MANBA: variants seen among roughly 807,000 people sequenced by gnomAD.
MANBA encodes the protein beta-mannosidase.
MANBA carries 83 observed loss-of-function variants against 111.1 expected under a neutral mutation model. The observed-to-expected ratio is 0.75, with a 90% CI of 0.63 to 0.90. The LOEUF (loss-of-function observed/expected upper bound fraction) is 0.90. Ranked by LOEUF, MANBA falls within the 40% of genes least tolerant of loss-of-function variation. The probability of loss-of-function intolerance (pLI) is 0.00; values close to 1 mark genes in which losing one functional copy is unlikely to be tolerated. For synonymous variants in MANBA, 370 were observed against 378.7 expected (o/e 0.98, Z 0.27); for missense variants, 1,036 against 1,069.0 (o/e 0.97, Z 0.43).
At chr4:102,634,364 G>A (rs1409893719) in intron 16 of MANBA, among the ~76,000 whole-genome samples, 4 of 152,182 alleles carry the variant, frequency 2.6e-5, no homozygotes, top group South Asian at 2.1e-4. Context: ...ACAGGACCTC[G>A]AGCTCATCAC....
Position 102,657,802 on chromosome 4 carries a change from A to G in MANBA, c.1584T>C (p.Phe528=). The G allele has an allele frequency of 6.2e-7, 1 of 1,613,650 alleles. No individual in the cohort carries two copies. Among genetic ancestry groups the G allele is most frequent in the Non-Finnish European group, 8.5e-7 (1 of 1,179,552 alleles). ...WVSQNPNSNY[F]GDVHFYDYIS... is the part of the protein sequence containing the mutation. ...TATAGTCATAAAAATGTACATCACC[A>G]AAATAATTGCTATTAGGGTTTTGAG... Residue 528 remains phenylalanine (F), a synonymous_variant, in exon 12 of 17, where the codon TTT becomes TTC. Coordinates refer to ENST00000647097, the MANE Select transcript of MANBA (RefSeq NM_005908.4).
At chr4:102,712,658 G>A (rs223507) in intron 5 of MANBA, among the ~76,000 whole-genome samples, 55,039 of 151,664 alleles carry the variant, frequency 0.36, 10,301 homozygotes, top group African/African-American at 0.44. Flanking sequence ...AGCTGGGACT[G>A]CAGGTGAACG....
intron 5 of MANBA, among the ~76,000 whole-genome samples, chr4:102,704,164 A>T (rs1733191422): frequency 6.6e-6 from 1 of 152,002 alleles, no homozygotes; most frequent in African/African-American, 2.4e-5. Flanking sequence ...AGTAATAATA[A>T]AACTCTGGTT....
intron 5 of MANBA, among the ~76,000 whole-genome samples, chr4:102,704,655 A>G (rs1016185759): frequency 4.6e-5 from 7 of 152,126 alleles, no homozygotes; most frequent in Admixed American, 1.3e-4. Context: ...TCCAGACCAC[A>G]TTAGCTTATT....
At chr4:102,638,996 T>G (rs1729750651) in intron 14 of MANBA, among the ~76,000 whole-genome samples, 1 of 152,176 alleles carries the variant, frequency 6.6e-6, no homozygotes, top group African/African-American at 2.4e-5. Context: ...ATTCTTTACA[T>G]TATTAACTGA....
chr4:102,652,154 T>C (rs749610149), intron 12 of MANBA, among the ~76,000 whole-genome samples: 9 of 152,192 alleles, frequency 5.9e-5, no homozygotes, highest in African/African-American at 9.7e-5. Context: ...AAATTATTAT[T>C]AACTATAGTT....
chr4:102,745,094 A>T (rs1016049385), intron 1 of MANBA, among the ~76,000 whole-genome samples: 18 of 152,190 alleles, frequency 1.2e-4, no homozygotes, highest in African/African-American at 4.1e-4. Flanking sequence ...CCTGATCTCC[A>T]TAAGCCTCTA....
chr4:102,685,824 A>G (rs1023091568), intron 7 of MANBA, among the ~76,000 whole-genome samples: 7 of 152,300 alleles, frequency 4.6e-5, no homozygotes, highest in Admixed American at 3.9e-4. Flanking sequence ...CATTATGACA[A>G]AAAAGATCAC....
At chr4:102,657,958 T>C (rs1161118318) in intron 11 of MANBA, 58 bp from the exon 12 acceptor site, 4 of 1,253,158 alleles carry the variant, frequency 3.2e-6, no homozygotes, top group Middle Eastern at 1.9e-4. Flanking sequence ...AAAGTATGTA[T>C]CATTTACTTC....
rs1578914479 is a variant in MANBA at position 102,699,330 on chromosome 4, C to T, written c.674-8559G>A. On this transcript the variant is annotated intron_variant, in intron 5 of 16. Transcript: ENST00000647097. ...AGGGACAATTTGACTTCCTCTTTTC[C>T]TAATTGAATACCCTTTATTTCCTTC... Among the ~76,000 whole-genome samples the T allele has an allele frequency of 2.6e-5, 4 of 151,198 alleles. No individual in the cohort carries two copies. The East Asian group carries it at 7.8e-4, about 29-fold the overall frequency.
chr4:102,637,336 C>G (rs1393758122), intron 14 of MANBA, among the ~76,000 whole-genome samples: 1 of 152,186 alleles, frequency 6.6e-6, no homozygotes, highest in Non-Finnish European at 1.5e-5. Flanking sequence ...TCCTTCCCTC[C>G]TTTCACCAGC....
intron 11 of MANBA, among the ~76,000 whole-genome samples, chr4:102,663,465 A>G (rs1731062993): frequency 6.6e-6 from 1 of 152,234 alleles, no homozygotes; most frequent in African/African-American, 2.4e-5. Context: ...TAAAAAGATT[A>G]TAAAATAAGT....
intron 1 of MANBA, among the ~76,000 whole-genome samples, chr4:102,738,312 A>C (rs1468283562): frequency 6.6e-6 from 1 of 152,166 alleles, no homozygotes; most frequent in Non-Finnish European, 1.5e-5. Flanking sequence ...TGAGAAAGCC[A>C]GTGCACTAAA....
intron 1 of MANBA, among the ~76,000 whole-genome samples, chr4:102,751,212 G>A (rs17175769): frequency 0.055 from 8,317 of 152,288 alleles, 320 homozygotes; most frequent in Middle Eastern, 0.099. Flanking sequence ...TCCATAGACA[G>A]ACTCATGGCT....
intron 1 of MANBA, among the ~76,000 whole-genome samples, chr4:102,732,066 C>T (rs925641388): frequency 6.6e-6 from 1 of 152,114 alleles, no homozygotes; most frequent in African/African-American, 2.4e-5. Context: ...CACCACCACA[C>T]CTGGCTAATT....
chr4:102,641,226 C>T (rs967659497), intron 13 of MANBA, among the ~76,000 whole-genome samples: 5 of 152,070 alleles, frequency 3.3e-5, no homozygotes, highest in East Asian at 1.9e-4. Context: ...GAGGAGGATG[C>T]CAGGTCAGCT....
intron 1 of MANBA, among the ~76,000 whole-genome samples, chr4:102,740,113 C>T (rs559502500): frequency 1.2e-4 from 18 of 152,264 alleles, no homozygotes; most frequent in East Asian, 5.8e-4. Flanking sequence ...ACCAAATCAA[C>T]GTACACAAAT....
At chr4:102,722,644 C>T (rs1722628859) in intron 4 of MANBA, 2 of 532,210 alleles carry the variant, frequency 3.8e-6, no homozygotes, top group South Asian at 2.2e-5. Context: ...TTTCTGTTAC[C>T]TAAGTTCTGA....
chr4:102,694,009 T>C (rs1732598145), intron 5 of MANBA, among the ~76,000 whole-genome samples: 2 of 152,226 alleles, frequency 1.3e-5, no homozygotes, highest in Admixed American at 1.3e-4. Flanking sequence ...GGCTCCTGTG[T>C]TGTTTTCTGT....
Sources: allele counts gnomAD v4.1 joint callset (sites outside exome capture counted in the v4.1 genomes callset), GRCh38; gene constraint gnomAD v4.1.1; transcripts MANE v1.5; gene names NCBI Gene and HGNC (gene_info 2026-07-23, HGNC 2026-07-21).